The following FNBP1L variants were observed in gnomAD, a reference collection of about 807,000 sequenced individuals.
FNBP1L encodes formin-binding protein 1-like.
Under a neutral mutation model 91.2 loss-of-function variants are expected in FNBP1L, and 36 were observed. The ratio of observed to expected loss-of-function variants is 0.39; its 90% CI spans 0.30 to 0.52. FNBP1L has a LOEUF of 0.52. FNBP1L is among the 20% of genes least tolerant of loss of function. The pLI is 0.66. For synonymous variants in FNBP1L, 242 were observed against 237.0 expected (o/e 1.02, Z -0.19); for missense variants, 571 against 732.1 (o/e 0.78, Z 2.54).
chr1:93,516,989 T>A (rs1671143434), intron 2 of FNBP1L, among the ~76,000 whole-genome samples: 1 of 152,004 alleles, frequency 6.6e-6, no homozygotes, highest in Non-Finnish European at 1.5e-5. Context: ...TAGAACAACT[T>A]CTTCTTCACC....
intron 5 of FNBP1L, among the ~76,000 whole-genome samples, chr1:93,528,984 TTTGAATGAAATAAAA>T (rs1671585099): frequency 6.6e-6 from 1 of 152,040 alleles, no homozygotes; most frequent in Non-Finnish European, 1.5e-5. Context: ...GTCATAATAG[TTTGAATGAAATAAAA>T]TTTAAAAAGA....
intron 1 of FNBP1L, among the ~76,000 whole-genome samples, chr1:93,476,132 T>C (rs946840076): frequency 5.3e-5 from 8 of 152,244 alleles, no homozygotes; most frequent in African/African-American, 1.9e-4. Flanking sequence ...TAAAACATCA[T>C]GTGAAATATT....
At chr1:93,486,237 G>A (rs907458537) in intron 1 of FNBP1L, among the ~76,000 whole-genome samples, 2 of 151,988 alleles carry the variant, frequency 1.3e-5, no homozygotes, top group African/African-American at 4.8e-5. Flanking sequence ...ATTGATGTTT[G>A]GTCTCATATA....
intron 1 of FNBP1L, among the ~76,000 whole-genome samples, chr1:93,483,566 A>G (rs1050332054): frequency 2.0e-5 from 3 of 152,338 alleles, no homozygotes; most frequent in East Asian, 3.9e-4. Context: ...AATCCTAAAT[A>G]TTAAGATTTT....
At chr1:93,488,746 A>G (rs2101715269) in intron 1 of FNBP1L, among the ~76,000 whole-genome samples, 1 of 152,342 alleles carries the variant, frequency 6.6e-6, no homozygotes, top group Non-Finnish European at 1.5e-5. Context: ...CCATTTTAAC[A>G]ACTGAACTTG....
At chr1:93,540,967 G>A in intron 10 of FNBP1L, 75 bp from the exon 11 acceptor site, 1 of 1,261,256 alleles carries the variant, frequency 7.9e-7, no homozygotes, top group Non-Finnish European at 1.1e-6. Context: ...AAAAGAATAG[G>A]CTATTGCATC....
At chr1:93,523,269 G>C in intron 3 of FNBP1L, 75 bp from the exon 4 acceptor site, 1 of 1,405,390 alleles carries the variant, frequency 7.1e-7, no homozygotes, top group Non-Finnish European at 9.4e-7. Flanking sequence ...CGAAATGTTA[G>C]ATTCAGTCCA....
intron 2 of FNBP1L, among the ~76,000 whole-genome samples, chr1:93,510,728 A>G (rs1049294981): frequency 3.9e-5 from 6 of 152,116 alleles, no homozygotes; most frequent in Admixed American, 2.6e-4. Flanking sequence ...AAGAATGTAT[A>G]ACTAGAATAA....
chr1:93,531,821 T>C (rs1010028509), intron 7 of FNBP1L, among the ~76,000 whole-genome samples: 3 of 152,078 alleles, frequency 2.0e-5, no homozygotes, highest in South Asian at 2.1e-4. Flanking sequence ...TCTGTGAAAA[T>C]GCAGGTCTCA....
intron 2 of FNBP1L, among the ~76,000 whole-genome samples, chr1:93,519,347 G>C (rs1671240143): frequency 6.6e-6 from 1 of 151,974 alleles, no homozygotes; most frequent in South Asian, 2.1e-4. Context: ...CTTTGTCTTT[G>C]CTCATTAGAT....
At chr1:93,503,316 G>A (rs1202989443) in intron 2 of FNBP1L, among the ~76,000 whole-genome samples, 1 of 152,066 alleles carries the variant, frequency 6.6e-6, no homozygotes, top group East Asian at 1.9e-4. Context: ...CAAGATGGGG[G>A]AAACCGCCCC....
At chr1:93,523,205 TGAA>T in intron 3 of FNBP1L, 136 bp from the exon 4 acceptor site, 1 of 745,512 alleles carries the variant, frequency 1.3e-6, no homozygotes, top group African/African-American at 1.8e-5. Context: ...TTTTTCCATA[TGAA>T]GTTAATTTAG....
chr1:93,545,135 A>G (rs1250808480), intron 12 of FNBP1L, among the ~76,000 whole-genome samples: 2 of 152,076 alleles, frequency 1.3e-5, no homozygotes, highest in African/African-American at 2.4e-5. Context: ...AAGCTTATCT[A>G]AGATTAGAAT....
chr1:93,488,054 T>G (rs1383407512), intron 1 of FNBP1L, among the ~76,000 whole-genome samples: 2 of 152,210 alleles, frequency 1.3e-5, no homozygotes, highest in Non-Finnish European at 2.9e-5. Flanking sequence ...TCCTTCTAGT[T>G]CATGGGGCTC....
intron 1 of FNBP1L, among the ~76,000 whole-genome samples, chr1:93,494,025 TACCGTTCA>T: frequency 6.6e-6 from 1 of 152,310 alleles, no homozygotes; most frequent in East Asian, 1.9e-4. Context: ...GTACAGATCC[TACCGTTCA>T]AGGGTTCAGT....
intron 1 of FNBP1L, among the ~76,000 whole-genome samples, chr1:93,456,184 AAT>A (rs1668651142): frequency 1.3e-5 from 2 of 152,210 alleles, no homozygotes; most frequent in Non-Finnish European, 2.9e-5. Context: ...AAAAATCTCT[AAT>A]AACAAGGATA....
In FNBP1L at chr1:93,507,093, ACACACACACACACACTCTCT is replaced by A. The variant is rs1395960023; in HGVS notation, c.140+7512_140+7531del. Among the ~76,000 whole-genome samples the A allele has an allele frequency of 1.2e-3, 153 of 124,016 alleles. 1 individual carries two copies. The highest frequency in any genetic ancestry group is 3.0e-3 in the African/African-American group (87 of 29,438). The allele number at this position is 124,016 out of a possible 152,430, so 81.4% of individuals were successfully genotyped here. On this transcript the variant is annotated intron_variant, in intron 2 of 16. Transcript: ENST00000271234. ...CACACACACACACACACACACACACACACACACACACACACTCTCTCTCTCTCTCTCTCTCTCTCTCTCTC... is the reference window on the plus strand; with the variant it reads ...CACACACACACACACACACACACACACTCTCTCTCTCTCTCTCTCTCTCTC...
At chr1:93,520,445 A>G (rs1348473487) in intron 2 of FNBP1L, among the ~76,000 whole-genome samples, 1 of 152,204 alleles carries the variant, frequency 6.6e-6, no homozygotes, top group African/African-American at 2.4e-5. Context: ...TTTGTAAACA[A>G]TAAAAATTAA....
At chr1:93,529,856 G>A in intron 6 of FNBP1L, 100 bp downstream of exon 6, 3 of 690,262 alleles carry the variant, frequency 4.3e-6, no homozygotes, top group Admixed American at 3.7e-5. Flanking sequence ...GGATTTACTT[G>A]AGATACACTG....
Sources: allele counts gnomAD v4.1 joint callset (sites outside exome capture counted in the v4.1 genomes callset), GRCh38; gene constraint gnomAD v4.1.1; transcripts MANE v1.5; gene names NCBI Gene and HGNC (gene_info 2026-07-23, HGNC 2026-07-21).